RXRA: variants seen among roughly 807,000 people sequenced by gnomAD.
RXRA encodes retinoic acid receptor RXR-alpha.
In RXRA, 5 loss-of-function variants were observed where a neutral mutation model predicts 44.5. That is an observed-to-expected ratio of 0.11 (90% confidence interval 0.06 to 0.24). RXRA has a LOEUF of 0.24. Ranked by LOEUF, RXRA falls within the 10% of genes least tolerant of loss-of-function variation. The probability of loss-of-function intolerance (pLI) is 1.00; values close to 1 mark genes in which losing one functional copy is unlikely to be tolerated. For missense variants in RXRA, 412 were observed against 646.5 expected (o/e 0.64, Z 3.93); for synonymous variants, 291 against 271.4 (o/e 1.07, Z -0.71).
intron 1 of RXRA, among the ~76,000 whole-genome samples, chr9:134,378,761 G>A (rs1264778778): frequency 1.3e-5 from 2 of 152,162 alleles, no homozygotes; most frequent in Non-Finnish European, 2.9e-5. Flanking sequence ...GTTTGCCGAG[G>A]GAGGCTGCCC....
At chr9:134,363,235 C>T (rs552591920) in intron 1 of RXRA, among the ~76,000 whole-genome samples, 1 of 152,262 alleles carries the variant, frequency 6.6e-6, no homozygotes, top group South Asian at 2.1e-4. Flanking sequence ...GTCATGGCCA[C>T]GGGCGAGGGG....
chr9:134,345,879 G>A (rs939656031), intron 1 of RXRA, among the ~76,000 whole-genome samples: 24 of 152,172 alleles, frequency 1.6e-4, no homozygotes, highest in Non-Finnish European at 2.2e-4. Flanking sequence ...GGGTACCCCC[G>A]GGTGGGACTG....
chr9:134,432,730 G>A (rs1392755014), intron 8 of RXRA, among the ~76,000 whole-genome samples: 1 of 152,240 alleles, frequency 6.6e-6, no homozygotes, highest in East Asian at 1.9e-4. Context: ...CCCCCGGCAC[G>A]TGAGGGCAGG....
chr9:134,365,089 C>G lies in RXRA; in HGVS notation c.29-36543C>G, dbSNP rs142540876. Among the ~76,000 whole-genome samples the G allele has an allele frequency of 6.6e-6, 1 of 152,114 alleles. No homozygotes were observed. Among genetic ancestry groups the G allele is most frequent in the East Asian group, 1.9e-4 (1 of 5,188 alleles). ...GGGAGAGCGTTTCCCAAGGTGGGGT[C>G]TGGTGCTGGCAGGAGGGGGCGGGGT... On this transcript the variant is annotated intron_variant, in intron 1 of 9. Coordinates refer to ENST00000481739, the MANE Select transcript of RXRA (RefSeq NM_002957.6). The surrounding 1 kb of genome is among the most constrained non-coding windows in gnomAD (Gnocchi z 4.0).
rs557990217 is a variant in RXRA, at chr9:134,401,677, G to A, written c.74G>A (p.Arg25Gln). The A allele has an allele frequency of 1.1e-5, 18 of 1,613,022 alleles. No homozygotes were observed. The highest frequency in any genetic ancestry group is 2.7e-5 in the African/African-American group (2 of 75,016). Residue 25 changes from arginine (R) to glutamine (Q), a missense_variant, in exon 2 of 10, where the codon CGA becomes CAA. This residue lies in a region of RXRA where 156 missense variants were observed against 177.2 expected (regional missense o/e 0.88). Coordinates refer to ENST00000481739, the MANE Select transcript of RXRA (RefSeq NM_002957.6). The stretch of plus-strand genomic sequence containing the variant: ...TCCTCCCTCACCTCCCCGACGGGGC[G>A]AGGCTCCATGGCTGCCCCCTCGCTG... ...VNSSLTSPTG[R>Q]GSMAAPSLHP...
intron 1 of RXRA, among the ~76,000 whole-genome samples, chr9:134,331,416 T>C (rs1456916620): frequency 6.6e-6 from 1 of 151,936 alleles, no homozygotes; most frequent in East Asian, 1.9e-4. Flanking sequence ...AGGGCTTGGG[T>C]GTGTGCACGC....
At chr9:134,378,869 G>A (rs957766776) in intron 1 of RXRA, among the ~76,000 whole-genome samples, 1 of 152,248 alleles carries the variant, frequency 6.6e-6, no homozygotes, top group Non-Finnish European at 1.5e-5. Flanking sequence ...GAGGGCAGGA[G>A]CCAGACCATC....
In RXRA at chr9:134,335,699, A is replaced by G. The variant is rs553242150; in HGVS notation, c.28+9040A>G. 1.4e-4 allele frequency among the ~76,000 whole-genome samples: 21 copies of G among 152,258 alleles called. 1 individual carries two copies. In the South Asian group the frequency reaches 4.4e-3, roughly 32 times the overall value. Reference sequence around the variant, plus strand: ...AGCCTGGCCGCCCCCAGCTGGCCTGATGTCCCCTCTCCTTCCTGCCCAGGT... The same window carrying G: ...AGCCTGGCCGCCCCCAGCTGGCCTGGTGTCCCCTCTCCTTCCTGCCCAGGT... On this transcript the variant is annotated intron_variant, in intron 1 of 9. Transcript: ENST00000481739.
At position 134,343,872 on chromosome 9, in the gene RXRA, C is replaced by T. The variant is rs1412312021; in HGVS notation, c.28+17213C>T. On this transcript the variant is annotated intron_variant, in intron 1 of 9. Coordinates refer to ENST00000481739, the MANE Select transcript of RXRA (RefSeq NM_002957.6). The surrounding 1 kb of genome is among the most constrained non-coding windows in gnomAD (Gnocchi z 4.1). Reference sequence around the variant, plus strand: ...CCAGCTGGCTGGGTCAGCAGATGGGCTCCTCTGGCGTCTTCTCACCTTCTG... The same window carrying T: ...CCAGCTGGCTGGGTCAGCAGATGGGTTCCTCTGGCGTCTTCTCACCTTCTG... Among the ~76,000 whole-genome samples the T allele has an allele frequency of 6.6e-6, 1 of 152,182 alleles. No individual in the cohort carries two copies. Among genetic ancestry groups the T allele is most frequent in the Admixed American group, 6.5e-5 (1 of 15,282 alleles).
chr9:134,334,162 G>T (rs1391963477), intron 1 of RXRA, among the ~76,000 whole-genome samples: 1 of 152,270 alleles, frequency 6.6e-6, no homozygotes, highest in Non-Finnish European at 1.5e-5. Flanking sequence ...CCTGGCGGAT[G>T]GGAGCTCTCC....
At chr9:134,328,095 C>T (rs1225297688) in intron 1 of RXRA, among the ~76,000 whole-genome samples, 1 of 152,134 alleles carries the variant, frequency 6.6e-6, no homozygotes, top group Non-Finnish European at 1.5e-5. Context: ...TGTCTGTGAC[C>T]GAGTGCAGTG....
intron 1 of RXRA, among the ~76,000 whole-genome samples, chr9:134,328,954 G>A (rs529854374): frequency 1.3e-5 from 2 of 152,248 alleles, no homozygotes; most frequent in Non-Finnish European, 2.9e-5. Flanking sequence ...GGAAAGCAAG[G>A]CCGAGGGACT....
chr9:134,429,353 A>ACCCTTCATGCAC, intron 7 of RXRA, 113 bp downstream of exon 7: 1 of 1,124,456 alleles, frequency 8.9e-7, no homozygotes, highest in Non-Finnish European at 1.3e-6. Context: ...ATTTCAGTGC[A>ACCCTTCATGCAC]TGAAGGGTGC....
At chr9:134,390,565 C>CA (rs1279991383) in intron 1 of RXRA, among the ~76,000 whole-genome samples, 1 of 152,196 alleles carries the variant, frequency 6.6e-6, no homozygotes, top group Non-Finnish European at 1.5e-5. Context: ...CCCGGGCCCT[C>CA]AGCAAGTTTC....
At position 134,433,628 on chromosome 9, in the gene RXRA, C is replaced by G. The variant is rs1831568055; in HGVS notation, c.1136-474C>G. On this transcript the variant is annotated intron_variant, in intron 8 of 9. Coordinates refer to ENST00000481739, the MANE Select transcript of RXRA (RefSeq NM_002957.6). The surrounding 1 kb of genome is among the most constrained non-coding windows in gnomAD (Gnocchi z 4.2). ...GGCTCTTGAGCCCGGGTCCTGAGCT[C>G]AGGACTCCGCAAGCACACCGAGGAT... Among the ~76,000 whole-genome samples, 1 of 152,076 alleles carries G rather than the reference C, an allele frequency of 6.6e-6. No homozygotes were observed.
chr9:134,427,526 A>G (rs1185691168), intron 6 of RXRA, among the ~76,000 whole-genome samples: 1 of 152,218 alleles, frequency 6.6e-6, no homozygotes, highest in Non-Finnish European at 1.5e-5. Context: ...TTGGTTGCAC[A>G]GCCTGGGGCC....
At chr9:134,335,483 G>C (rs977396410) in intron 1 of RXRA, among the ~76,000 whole-genome samples, 1 of 152,210 alleles carries the variant, frequency 6.6e-6, no homozygotes, top group Non-Finnish European at 1.5e-5. Flanking sequence ...TGCCCGTGCG[G>C]GCGTAAGTAG....
chr9:134,356,216 G>A (rs1180678617), intron 1 of RXRA, among the ~76,000 whole-genome samples: 5 of 152,186 alleles, frequency 3.3e-5, no homozygotes, highest in Admixed American at 2.6e-4. Flanking sequence ...CCCCAGCCCT[G>A]CAAGGGAGGG....
intron 1 of RXRA, among the ~76,000 whole-genome samples, chr9:134,388,784 CCTT>C (rs749846572): frequency 2.6e-5 from 4 of 152,210 alleles, no homozygotes; most frequent in Admixed American, 6.5e-5. Context: ...GCCTCCTCCT[CCTT>C]GTGAGCCAGG....
Sources: gnomAD v4.1 joint callset for allele counts (sites outside exome capture counted in the v4.1 genomes callset) on GRCh38, gnomAD v4.1.1 for gene constraint, gnomAD v4.1.1 regional missense constraint, Gnocchi (gnomAD v3.1) non-coding constraint, MANE v1.5 for transcripts, NCBI Gene and HGNC (gene_info 2026-07-23, HGNC 2026-07-21) for gene names.